The following FLRT2 variants were observed in gnomAD, a reference collection of about 807,000 sequenced individuals.
FLRT2 encodes fibronectin leucine rich transmembrane protein 2.
In FLRT2, 15 loss-of-function variants were observed where a neutral mutation model predicts 40.0. The ratio of observed to expected loss-of-function variants is 0.38; its 90% confidence interval spans 0.25 to 0.58. The LOEUF is 0.58. Among genes scored for constraint, FLRT2 ranks in the 20% least tolerant of loss-of-function variants. The pLI, the probability that FLRT2 is intolerant of heterozygous loss-of-function variation, is 0.71. For synonymous variants in FLRT2, 380 were observed against 336.8 expected (o/e 1.13, Z -1.41); for missense variants, 726 against 840.0 (o/e 0.86, Z 1.68).
chr14:85,534,326 C>T (rs116286622), intron 1 of FLRT2, among the ~76,000 whole-genome samples: 1 of 152,160 alleles, frequency 6.6e-6, no homozygotes, highest in Non-Finnish European at 1.5e-5. Context: ...ACCGCACGCT[C>T]CCCCCTTCAC....
intron 1 of FLRT2, among the ~76,000 whole-genome samples, chr14:85,567,494 G>C (rs1945860805): frequency 6.6e-6 from 1 of 152,124 alleles, no homozygotes; most frequent in Non-Finnish European, 1.5e-5. Context: ...AGGAGCGTAA[G>C]TTTCTGCATC....
chr14:85,602,458 A>G (rs1892419375), intron 1 of FLRT2, among the ~76,000 whole-genome samples: 1 of 152,238 alleles, frequency 6.6e-6, no homozygotes, highest in East Asian at 1.9e-4. Context: ...TGGAGCTCAA[A>G]GAACAAATTG....
At chr14:85,554,109 A>G (rs1361971187) in intron 1 of FLRT2, among the ~76,000 whole-genome samples, 2 of 152,216 alleles carry the variant, frequency 1.3e-5, no homozygotes, top group South Asian at 4.1e-4. Context: ...TTTAAAGAGC[A>G]TAACTTATTC....
At chr14:85,574,886 T>C (rs1891058667) in intron 1 of FLRT2, among the ~76,000 whole-genome samples, 1 of 152,230 alleles carries the variant, frequency 6.6e-6, no homozygotes, top group Non-Finnish European at 1.5e-5. Context: ...AAATTGTACT[T>C]CTTTAGGCTC....
At chr14:85,531,220 C>G (rs1005683094) in intron 1 of FLRT2, 3 of 152,282 alleles carry the variant, frequency 2.0e-5, no homozygotes, top group Admixed American at 1.3e-4. Flanking sequence ...GAATCCGGAT[C>G]GAGTGAGTTC....
At chr14:85,535,909 T>G (rs1319705523) in intron 1 of FLRT2, among the ~76,000 whole-genome samples, 15 of 80,568 alleles carry the variant, frequency 1.9e-4, no homozygotes, top group East Asian at 6.1e-4. Flanking sequence ...TTTTTTTTTT[T>G]TTTTTTTTTT....
At position 85,635,325 on chromosome 14, in the gene FLRT2, A is replaced by G. The variant is rs1893975374; in HGVS notation, c.*11828A>G. Reference sequence around the variant, plus strand: ...TGGTTGGCATATATTCAAACCCATTATGGCTGAAAAATTACAAATGAATAG... The same window carrying G: ...TGGTTGGCATATATTCAAACCCATTGTGGCTGAAAAATTACAAATGAATAG... On this transcript the variant is annotated 3_prime_UTR_variant, in exon 2 of 2. Transcript: ENST00000330753. 6.6e-6 allele frequency: 1 copy of G among 152,140 alleles called. No individual in the cohort carries two copies. Among genetic ancestry groups the G allele is most frequent in the African/African-American group, 2.4e-5 (1 of 41,442 alleles). The allele number at this position is 152,140 out of a possible 1,614,324, so 9.4% of individuals were successfully genotyped here.
At chr14:85,579,766 G>C (rs963752567) in intron 1 of FLRT2, among the ~76,000 whole-genome samples, 2 of 152,086 alleles carry the variant, frequency 1.3e-5, no homozygotes, top group African/African-American at 4.8e-5. Context: ...GAGATGGCAA[G>C]TTTCTACTGA....
intron 1 of FLRT2, among the ~76,000 whole-genome samples, chr14:85,596,031 G>A (rs374740474): frequency 6.6e-6 from 1 of 152,118 alleles, no homozygotes; most frequent in Non-Finnish European, 1.5e-5. Flanking sequence ...TTTTCATTCC[G>A]ATTCAGATGG....
intron 1 of FLRT2, chr14:85,551,571 A>G (rs1292000658): frequency 6.6e-6 from 1 of 152,184 alleles, no homozygotes; most frequent in Non-Finnish European, 1.5e-5. Context: ...TTATCATTGT[A>G]TCCTAAATTC....
Position 85,652,539 on chromosome 14 carries a change from T to G in FLRT2, c.*29042T>G, listed in dbSNP as rs184623488. 6.6e-6 allele frequency: 1 copy of G among 152,154 alleles called. No homozygotes were observed. Among genetic ancestry groups the G allele is most frequent in the African/African-American group, 2.4e-5 (1 of 41,450 alleles). 9.4% of individuals were successfully genotyped at this position (152,154 alleles called of 1,614,324 possible). ...TAAACAAACAAAAAACCCATCTTTA[T>G]TTTTAGACTAAAAGCCTTTGAATAA... On this transcript the variant is annotated 3_prime_UTR_variant, in exon 2 of 2. Transcript: ENST00000330753.
rs1463893233 is a variant in FLRT2 at position 85,653,563 on chromosome 14, G to T, written c.*30066G>T. 1 of 152,220 alleles carries T rather than the reference G, an allele frequency of 6.6e-6. No individual in the cohort carries two copies. Among genetic ancestry groups the T allele is most frequent in the Non-Finnish European group, 1.5e-5 (1 of 68,062 alleles). 9.4% of individuals were successfully genotyped at this position (152,220 alleles called of 1,614,324 possible). ...TATTAGTATTCTCCACATTGCTACT[G>T]AAACTTGCTGCCTTTTCCTAGAAGC... On this transcript the variant is annotated 3_prime_UTR_variant, in exon 2 of 2. Transcript: ENST00000330753.
At chr14:85,596,682 C>G (rs1359608544) in intron 1 of FLRT2, among the ~76,000 whole-genome samples, 1 of 152,164 alleles carries the variant, frequency 6.6e-6, no homozygotes, top group Non-Finnish European at 1.5e-5. Flanking sequence ...TTTAAACTCT[C>G]TTAGCCTATC....
At chr14:85,560,652 G>T (rs905034283) in intron 1 of FLRT2, among the ~76,000 whole-genome samples, 1 of 151,508 alleles carries the variant, frequency 6.6e-6, no homozygotes, top group African/African-American at 2.4e-5. Flanking sequence ...ACAAAAAAGG[G>T]CTGGCTCCTC....
At chr14:85,548,657 T>C (rs2139820906) in intron 1 of FLRT2, among the ~76,000 whole-genome samples, 1 of 152,354 alleles carries the variant, frequency 6.6e-6, no homozygotes, top group South Asian at 2.1e-4. Context: ...AACAATCACA[T>C]GCTTTTTATT....
At chr14:85,535,338 A>G (rs1487239408) in intron 1 of FLRT2, among the ~76,000 whole-genome samples, 1 of 126,102 alleles carries the variant, frequency 7.9e-6, no homozygotes, top group East Asian at 2.3e-4. Flanking sequence ...TAAATATCCA[A>G]TGAAAAGCCC....
intron 1 of FLRT2, among the ~76,000 whole-genome samples, chr14:85,608,215 G>A (rs1376128286): frequency 6.6e-6 from 1 of 151,840 alleles, no homozygotes; most frequent in Admixed American, 6.6e-5. Flanking sequence ...TCATGTGTTT[G>A]CTTGATAAAT....
In FLRT2 at chr14:85,627,956, G is replaced by C. The variant is rs1480445626; in HGVS notation, c.*4459G>C. 1 of 166,798 alleles carries C rather than the reference G, an allele frequency of 6.0e-6. No individual in the cohort carries two copies. The highest frequency in any genetic ancestry group is 1.5e-5 in the Non-Finnish European group (1 of 68,106). The allele number at this position is 166,798 out of a possible 1,614,324, so 10.3% of individuals were successfully genotyped here. On this transcript the variant is annotated 3_prime_UTR_variant, in exon 2 of 2. Transcript: ENST00000330753. ...GTGTTTATCTGAGTAAGTTCATTGG[G>C]ATACAGTCAATACTTGTGCTGTTAA...
rs1278525419 is a variant in FLRT2 at position 85,621,441 on chromosome 14, T to C, written c.-74T>C. ...CTTCAACAGAACCCCATCCAGTCAT[T>C]TTGATTTTGCTGTTTATTTTTTTTT... is the stretch of plus-strand genomic sequence containing the variant. On this transcript the variant is annotated 5_prime_UTR_variant, in exon 2 of 2. Coordinates refer to ENST00000330753, the MANE Select transcript of FLRT2 (RefSeq NM_013231.6). The C allele has an allele frequency of 7.2e-7, 1 of 1,393,772 alleles. No homozygotes were observed. Among genetic ancestry groups the C allele is most frequent in the Non-Finnish European group, 9.7e-7 (1 of 1,031,334 alleles). 86.3% of individuals were successfully genotyped at this position (1,393,772 alleles called of 1,614,324 possible). A position where few individuals can be genotyped will look rare whatever the true frequency, so the allele number is the denominator to read the frequency against.
Sources: gnomAD v4.1 joint callset for allele counts (sites outside exome capture counted in the v4.1 genomes callset) on GRCh38, gnomAD v4.1.1 for gene constraint, MANE v1.5 for transcripts, NCBI Gene and HGNC (gene_info 2026-07-23, HGNC 2026-07-21) for gene names.